CDH2: variants seen among roughly 807,000 people sequenced by gnomAD.
The protein encoded by CDH2 is cadherin-2.
A neutral mutation model predicts 92.0 loss-of-function variants in CDH2; 17 were observed. That is an observed-to-expected ratio of 0.18 (90% confidence interval 0.13 to 0.28). The LOEUF is 0.28. CDH2 is among the 10% of genes least tolerant of loss of function. The probability of loss-of-function intolerance (pLI) is 1.00; values close to 1 mark genes in which losing one functional copy is unlikely to be tolerated. For missense variants in CDH2, 862 were observed against 1,133.1 expected (o/e 0.76, Z 3.44); for synonymous variants, 419 against 415.9 (o/e 1.01, Z -0.09).
At chr18:27,968,788 A>G (rs1022124923) in intron 14 of CDH2, among the ~76,000 whole-genome samples, 1 of 152,236 alleles carries the variant, frequency 6.6e-6, no homozygotes, top group Non-Finnish European at 1.5e-5. Context: ...TGAGTGACTG[A>G]GAGAAATTAA....
intron 14 of CDH2, among the ~76,000 whole-genome samples, chr18:27,979,021 T>TA (rs1232591571): frequency 9.9e-5 from 15 of 151,198 alleles, no homozygotes; most frequent in Non-Finnish European, 5.9e-5. Context: ...CTGGACAACA[T>TA]AAAAAATAAT....
chr18:28,112,008 T>C (rs2015421106), intron 2 of CDH2, among the ~76,000 whole-genome samples: 1 of 152,214 alleles, frequency 6.6e-6, no homozygotes, highest in African/African-American at 2.4e-5. Context: ...TCTACAAAAC[T>C]AGAAGGACAG....
intron 2 of CDH2, among the ~76,000 whole-genome samples, chr18:28,085,971 A>C (rs550336442): frequency 4.8e-4 from 73 of 152,292 alleles, no homozygotes; most frequent in African/African-American, 1.7e-3. Context: ...GAGAATAAAA[A>C]TATTATCCAT....
At chr18:28,130,128 T>A (rs912079539) in intron 2 of CDH2, among the ~76,000 whole-genome samples, 1 of 152,182 alleles carries the variant, frequency 6.6e-6, no homozygotes, top group Non-Finnish European at 1.5e-5. Context: ...CATTTTCATG[T>A]CTAGGATACA....
At chr18:28,128,740 A>G (rs552434267) in intron 2 of CDH2, among the ~76,000 whole-genome samples, 1 of 152,222 alleles carries the variant, frequency 6.6e-6, no homozygotes, top group South Asian at 2.1e-4. Flanking sequence ...TTTTGTTTCA[A>G]TGTGCTTCAG....
chr18:28,090,340 T>A (rs1313009703), intron 2 of CDH2, among the ~76,000 whole-genome samples: 1 of 152,158 alleles, frequency 6.6e-6, no homozygotes, highest in Non-Finnish European at 1.5e-5. Flanking sequence ...GACGTATGGA[T>A]TTGTGTATTG....
chr18:28,163,038 C>T (rs2016329539), intron 1 of CDH2, among the ~76,000 whole-genome samples: 1 of 152,192 alleles, frequency 6.6e-6, no homozygotes, highest in African/African-American at 2.4e-5. Flanking sequence ...GAGAAACACA[C>T]AGCAAGGCCA....
intron 2 of CDH2, among the ~76,000 whole-genome samples, chr18:28,135,348 C>T (rs906638687): frequency 2.0e-5 from 3 of 152,076 alleles, no homozygotes; most frequent in African/African-American, 4.8e-5. Context: ...ATCTTTTCTT[C>T]ATTTCCTATT....
intron 2 of CDH2, among the ~76,000 whole-genome samples, chr18:28,133,346 G>A (rs546610476): frequency 6.6e-6 from 1 of 152,126 alleles, no homozygotes; most frequent in South Asian, 2.1e-4. Flanking sequence ...CACTCTGGGA[G>A]GCCGAGGCGG....
intron 14 of CDH2, among the ~76,000 whole-genome samples, chr18:27,970,053 AC>A (rs1276576025): frequency 1.3e-5 from 2 of 152,208 alleles, no homozygotes; most frequent in East Asian, 3.8e-4. Context: ...ATTTAAAGTT[AC>A]AAAAAATACG....
At chr18:28,105,635 A>T (rs987088759) in intron 2 of CDH2, among the ~76,000 whole-genome samples, 1 of 152,204 alleles carries the variant, frequency 6.6e-6, no homozygotes, top group African/African-American at 2.4e-5. Context: ...CAACAAATTT[A>T]TATCAGTCAT....
chr18:27,999,790 A>C lies in CDH2; in HGVS notation c.1020+3207T>G, dbSNP rs531810655. Reference sequence around the variant, plus strand: ...TGGTTTGGCTCTGTGTCCCCACCCAAATCTCACCTTGAATTGTAATCCTCA... The same window carrying C: ...TGGTTTGGCTCTGTGTCCCCACCCACATCTCACCTTGAATTGTAATCCTCA... On this transcript the variant is annotated intron_variant, in intron 7 of 15. Coordinates refer to ENST00000269141, the MANE Select transcript of CDH2 (RefSeq NM_001792.5). Among the ~76,000 whole-genome samples the C allele has an allele frequency of 1.8e-4, 27 of 151,688 alleles. 2 individuals are homozygous for C. In the South Asian group the frequency reaches 5.0e-3, roughly 28 times the overall value.
At chr18:28,103,493 A>ATG (rs2015269345) in intron 2 of CDH2, among the ~76,000 whole-genome samples, 6 of 150,176 alleles carry the variant, frequency 4.0e-5, no homozygotes, top group Admixed American at 3.3e-4. Context: ...ACACACACAC[A>ATG]CACACATATA....
At chr18:27,994,065 A>T (rs1407188498) in intron 7 of CDH2, among the ~76,000 whole-genome samples, 1 of 152,262 alleles carries the variant, frequency 6.6e-6, no homozygotes, top group Non-Finnish European at 1.5e-5. Flanking sequence ...GAACACATAC[A>T]TAATTCACAA....
At chr18:28,067,979 C>T (rs1049911525) in intron 2 of CDH2, among the ~76,000 whole-genome samples, 1 of 152,104 alleles carries the variant, frequency 6.6e-6, no homozygotes, top group Non-Finnish European at 1.5e-5. Context: ...TAAGAATTAT[C>T]AAAATAAAGC....
chr18:28,169,402 G>A (rs1349945092), intron 1 of CDH2, among the ~76,000 whole-genome samples: 2 of 152,230 alleles, frequency 1.3e-5, no homozygotes, highest in East Asian at 1.9e-4. Context: ...TTTTAGTAAT[G>A]AAGGGAGAAA....
chr18:28,094,656 T>G (rs936064638), intron 2 of CDH2, among the ~76,000 whole-genome samples: 6 of 151,320 alleles, frequency 4.0e-5, no homozygotes, highest in Non-Finnish European at 8.8e-5. Context: ...TAGACAGGTG[T>G]GGTGGCGGGC....
Position 27,952,067 on chromosome 18 carries a change from A to AAGTT in CDH2, c.*82_*85dup. ...GCAAGCACTGTGCTAGTAGACTACA[A>AAGTT]AGTTAAAGCCTAGCTTCTGAATGCT... On this transcript the variant is annotated 3_prime_UTR_variant, in exon 16 of 16. Transcript: ENST00000269141. 8.2e-7 allele frequency: 1 copy of AAGTT among 1,219,660 alleles called. No homozygotes were observed. Among genetic ancestry groups the AAGTT allele is most frequent in the Admixed American group, 1.7e-5 (1 of 58,990 alleles). The allele number at this position is 1,219,660 out of a possible 1,614,324, so 75.6% of individuals were successfully genotyped here.
chr18:28,051,535 C>G (rs2014190836), intron 2 of CDH2, among the ~76,000 whole-genome samples: 2 of 152,122 alleles, frequency 1.3e-5, no homozygotes, highest in South Asian at 4.1e-4. Context: ...CAGAATCATT[C>G]TTATTTCTAT....
Sources: allele counts gnomAD v4.1 joint callset (sites outside exome capture counted in the v4.1 genomes callset), GRCh38; gene constraint gnomAD v4.1.1; transcripts MANE v1.5; gene names NCBI Gene and HGNC (gene_info 2026-07-23, HGNC 2026-07-21).